The following TMBIM4 variants were observed in gnomAD, a reference collection of about 807,000 sequenced individuals.
The protein encoded by TMBIM4 is transmembrane BAX inhibitor motif containing 4.
A neutral mutation model predicts 27.7 loss-of-function variants in TMBIM4; 28 were observed. The ratio of observed to expected loss-of-function variants is 1.01; its 90% CI spans 0.75 to 1.38. The LOEUF (loss-of-function observed/expected upper bound fraction) is 1.38. TMBIM4 is among the 40% of genes most tolerant of loss of function. TMBIM4 has a pLI of 0.00. For missense variants in TMBIM4, 265 were observed against 277.5 expected, an observed-to-expected ratio of 0.95 and a Z score of 0.32; for synonymous variants, 115 against 113.1, an observed-to-expected ratio of 1.02 and a Z score of -0.11.
At position 66,160,529 on chromosome 12, in the gene TMBIM4, G is replaced by A. The variant is rs187424135; in HGVS notation, c.98-7081C>T. Among the ~76,000 whole-genome samples the A allele has an allele frequency of 3.0e-4, 45 of 152,216 alleles. No homozygotes were observed. In the South Asian group the frequency reaches 5.2e-3, roughly 18 times the overall value. Reference sequence around the variant, plus strand: ...TATGAAACTATGAAAGACTACTGCAGAATAAACTAGCTTAACAGACTATAT... The same window carrying A: ...TATGAAACTATGAAAGACTACTGCAAAATAAACTAGCTTAACAGACTATAT... On this transcript the variant is annotated intron_variant, in intron 1 of 6. Transcript: ENST00000358230.
At chr12:66,138,703 A>G in intron 6 of TMBIM4, 21 bp downstream of exon 6, 3 of 1,527,382 alleles carry the variant, frequency 2.0e-6, no homozygotes, top group Non-Finnish European at 2.6e-6. Context: ...ATTTCAAATT[A>G]ACCATTATAA....
At chr12:66,151,547 T>C (rs905427818) in intron 3 of TMBIM4, among the ~76,000 whole-genome samples, 33 of 152,228 alleles carry the variant, frequency 2.2e-4, no homozygotes, top group African/African-American at 7.7e-4. Context: ...CCAAGTATTC[T>C]TAATATTACT....
At chr12:66,162,631 G>A (rs1407886053) in intron 1 of TMBIM4, among the ~76,000 whole-genome samples, 2 of 152,136 alleles carry the variant, frequency 1.3e-5, no homozygotes, top group South Asian at 2.1e-4. Flanking sequence ...GTTCCCAAAC[G>A]CTTCTCTAGT....
At chr12:66,152,107 C>A (rs1049998078) in intron 3 of TMBIM4, among the ~76,000 whole-genome samples, 164 bp downstream of exon 3, 1 of 152,008 alleles carries the variant, frequency 6.6e-6, no homozygotes, top group African/African-American at 2.4e-5. Context: ...AACTAATAAA[C>A]TGTTAAAAGT....
In TMBIM4 at chr12:66,153,453, AAG is replaced by A; in HGVS notation, c.98-7_98-6del. 1 of 1,482,218 alleles carries A rather than the reference AAG, an allele frequency of 6.7e-7. No individual in the cohort carries two copies. The highest frequency in any genetic ancestry group is 9.2e-7 in the Non-Finnish European group (1 of 1,086,554). The allele number at this position is 1,482,218 out of a possible 1,614,324, so 91.8% of individuals were successfully genotyped here. A position where few individuals can be genotyped will look rare whatever the true frequency, so the allele number is the denominator to read the frequency against. On this transcript the variant is annotated splice_region_variant and splice_polypyrimidine_tract_variant and intron_variant, in intron 1 of 6. Transcript: ENST00000358230. ...TGTAGACTTTTCTCAGAAAGGCTAA[AAG>A]AGAAAAAAAATTACATTACTATTTT...
At chr12:66,169,495 C>T in intron 1 of TMBIM4, 2 of 486,388 alleles carry the variant, frequency 4.1e-6, no homozygotes, top group Non-Finnish European at 7.2e-6. Context: ...AGTGATCAAC[C>T]GACTCATTTC....
rs770050501 is a variant in TMBIM4, at chr12:66,169,965, C to A, written c.-14G>T. ...GGGGTCAGCCATGATGGCAACAGCACCCCTACCGGTCCCGGTCCACTAACC... is the reference window on the plus strand; with the variant it reads ...GGGGTCAGCCATGATGGCAACAGCAACCCTACCGGTCCCGGTCCACTAACC... On this transcript the variant is annotated 5_prime_UTR_variant, in exon 1 of 7. Coordinates refer to ENST00000358230, the MANE Select transcript of TMBIM4 (RefSeq NM_016056.4). 3.4e-5 allele frequency: 50 copies of A among 1,477,678 alleles called. No individual in the cohort carries two copies. Among genetic ancestry groups the A allele is most frequent in the Middle Eastern group, 1.7e-4 (1 of 5,802 alleles). 91.5% of individuals were successfully genotyped at this position (1,477,678 alleles called of 1,614,324 possible).
intron 4 of TMBIM4, 53 bp downstream of exon 4, chr12:66,147,855 T>C: frequency 6.8e-7 from 1 of 1,473,648 alleles, no homozygotes; most frequent in Non-Finnish European, 9.3e-7. Context: ...ACCTGAAAGA[T>C]CTATCTACAT....
intron 5 of TMBIM4, 32 bp downstream of exon 5, chr12:66,145,809 A>G (rs145361008): frequency 0.02 from 24,148 of 1,219,536 alleles, 334 homozygotes; most frequent in Non-Finnish European, 0.025. Flanking sequence ...AAAGACATCT[A>G]TCTATTATAT....
intron 3 of TMBIM4, among the ~76,000 whole-genome samples, chr12:66,151,152 A>ATT (rs758557178): frequency 1.7e-4 from 24 of 139,294 alleles, no homozygotes; most frequent in Non-Finnish European, 3.2e-4. Flanking sequence ...ACACAAACTC[A>ATT]TTATCAGAAT....
chr12:66,148,066 C>A (rs951717520), intron 3 of TMBIM4, 125 bp from the exon 4 acceptor site: 8 of 782,424 alleles, frequency 1.0e-5, no homozygotes, highest in Admixed American at 2.9e-5. Context: ...AGCAGCCCTG[C>A]GAAGTATATG....
intron 5 of TMBIM4, chr12:66,139,064 T>C (rs1168756): frequency 0.048 from 10,743 of 223,240 alleles, 1,123 homozygotes; most frequent in African/African-American, 0.22. Flanking sequence ...GAAATATCAT[T>C]ACAAGTATTT....
intron 3 of TMBIM4, among the ~76,000 whole-genome samples, chr12:66,149,036 C>A (rs1207967435): frequency 6.6e-6 from 1 of 152,080 alleles, no homozygotes; most frequent in Non-Finnish European, 1.5e-5. Context: ...CCATCAGCAC[C>A]AGAGCAAAAA....
rs770925569 is a variant in TMBIM4 at position 66,145,949 on chromosome 12, TAGAA to T, written c.352_355del (p.Phe118MetfsTer12). The T allele has an allele frequency of 6.5e-7, 1 of 1,529,102 alleles. No individual in the cohort carries two copies. Among genetic ancestry groups the T allele is most frequent in the South Asian group, 1.1e-5 (1 of 87,730 alleles). The allele number at this position is 1,529,102 out of a possible 1,614,324, so 94.7% of individuals were successfully genotyped here. A position where few individuals can be genotyped will look rare whatever the true frequency, so the allele number is the denominator to read the frequency against. ...AGCTTGCAGAATAATATATACATCA[TAGAA>T]AGTAACTGTAAAATTAAAACACTGA... On this transcript the variant is annotated frameshift_variant, in exon 5 of 7. Coordinates refer to ENST00000358230, the MANE Select transcript of TMBIM4 (RefSeq NM_016056.4). LOFTEE classifies it high-confidence loss of function.
chr12:66,158,227 C>CAA (rs397947155), intron 1 of TMBIM4, among the ~76,000 whole-genome samples: 32,854 of 112,030 alleles, frequency 0.29, 4,820 homozygotes, highest in Middle Eastern at 0.39. Flanking sequence ...CTCCGTCTCA[C>CAA]AAAAAAAAAA....
At chr12:66,156,822 T>A (rs2051944462) in intron 1 of TMBIM4, among the ~76,000 whole-genome samples, 1 of 152,146 alleles carries the variant, frequency 6.6e-6, no homozygotes, top group South Asian at 2.1e-4. Context: ...ATTCTTTACA[T>A]GAAGTAGTGG....
rs1358042582 is a variant in TMBIM4, at chr12:66,136,547, G to A, written c.*1413C>T. ...ACTTCAGAATGTGACTGTATTTGGA[G>A]ATAGGTTTTGAAAGAGATAATTAAG... On this transcript the variant is annotated 3_prime_UTR_variant, in exon 7 of 7. Transcript: ENST00000358230. The A allele has an allele frequency of 2.0e-5, 3 of 153,446 alleles. No individual in the cohort carries two copies. The highest frequency in any genetic ancestry group is 2.9e-5 in the Non-Finnish European group (2 of 68,226). The allele number at this position is 153,446 out of a possible 1,614,324, so 9.5% of individuals were successfully genotyped here. A position where few individuals can be genotyped will look rare whatever the true frequency, so the allele number is the denominator to read the frequency against.
intron 1 of TMBIM4, among the ~76,000 whole-genome samples, chr12:66,168,221 A>C (rs1021909325): frequency 7.1e-6 from 1 of 141,480 alleles, no homozygotes; most frequent in African/African-American, 2.6e-5. Flanking sequence ...ACCCTGTCTC[A>C]AAAAAAAAAA....
At chr12:66,163,180 G>A (rs1168745) in intron 1 of TMBIM4, among the ~76,000 whole-genome samples, 118,254 of 152,102 alleles carry the variant, frequency 0.78, 46,953 homozygotes, top group African/African-American at 0.94. Context: ...CCTTCCCTGA[G>A]GTGACCCATT....
Sources: gnomAD v4.1 joint callset for allele counts (sites outside exome capture counted in the v4.1 genomes callset) on GRCh38, gnomAD v4.1.1 for gene constraint, MANE v1.5 for transcripts, NCBI Gene and HGNC (gene_info 2026-07-23, HGNC 2026-07-21) for gene names.